The following MAP7 variants were observed in gnomAD, a reference collection of about 807,000 sequenced individuals.
MAP7 encodes the protein microtubule associated protein 7, also known as ensconsin.
MAP7 carries 52 observed loss-of-function variants against 94.8 expected under a neutral mutation model. That is an observed-to-expected ratio of 0.55 (90% CI 0.44 to 0.69). MAP7 has a LOEUF of 0.69. Ranked by LOEUF, MAP7 falls within the 30% of genes least tolerant of loss-of-function variation. The pLI is 0.00. For missense variants in MAP7, 940 were observed against 964.6 expected (o/e 0.97, Z 0.34); for synonymous variants, 350 against 357.0 (o/e 0.98, Z 0.22).
chr6:136,402,579 T>C (rs1355199264), intron 3 of MAP7, among the ~76,000 whole-genome samples: 1 of 152,140 alleles, frequency 6.6e-6, no homozygotes, highest in Non-Finnish European at 1.5e-5. Flanking sequence ...TCAAGAGCTT[T>C]TCTTATATGT....
intron 10 of MAP7, 37 bp downstream of exon 10, chr6:136,365,698 G>T (rs200285950): frequency 6.3e-7 from 1 of 1,592,654 alleles, no homozygotes; most frequent in South Asian, 1.1e-5. Flanking sequence ...GGGAGAAAAA[G>T]AGAGAGCACC....
At chr6:136,513,126 T>C (rs1823757382) in intron 1 of MAP7, among the ~76,000 whole-genome samples, 1 of 152,214 alleles carries the variant, frequency 6.6e-6, no homozygotes, top group Non-Finnish European at 1.5e-5. Flanking sequence ...ATTATAGGCA[T>C]GAGCCACTGC....
intron 3 of MAP7, among the ~76,000 whole-genome samples, chr6:136,396,289 T>C (rs1288897792): frequency 6.6e-6 from 1 of 152,162 alleles, no homozygotes; most frequent in Non-Finnish European, 1.5e-5. Context: ...TTACATTTAT[T>C]CCTAAGTATT....
At chr6:136,508,989 T>C (rs1562474362) in intron 1 of MAP7, among the ~76,000 whole-genome samples, 1 of 152,208 alleles carries the variant, frequency 6.6e-6, no homozygotes, top group Non-Finnish European at 1.5e-5. Flanking sequence ...TCACCTGAAA[T>C]AGTAATGGAC....
intron 3 of MAP7, among the ~76,000 whole-genome samples, chr6:136,407,866 T>C (rs979246860): frequency 7.9e-5 from 12 of 152,052 alleles, no homozygotes; most frequent in African/African-American, 2.4e-4. Context: ...ATGACGGAAA[T>C]AAATAATGTC....
chr6:136,387,368 C>T (rs1276278082), intron 5 of MAP7, among the ~76,000 whole-genome samples: 1 of 151,970 alleles, frequency 6.6e-6, no homozygotes, highest in Non-Finnish European at 1.5e-5. Flanking sequence ...AAATAGAAAA[C>T]CAAAATGATT....
In MAP7 at chr6:136,389,427, T is replaced by C. The variant is rs1780065295; in HGVS notation, c.335A>G (p.Glu112Gly). Residue 112 changes from glutamate to glycine, a missense_variant, in exon 4 of 18, where the codon GAG becomes GGG. Physicochemically the swap from Glu to Gly is moderately conservative, Grantham distance 98. Transcript: ENST00000354570. ...CCTCCGCTCCTCCTTCTGCCTCTGC[T>C]CCTCCAACCTCTTCTTCCGCTCTTC... ...HLEERKKRLE[E>G]QRQKEERRRA... is the part of the protein sequence containing the mutation. The C allele has an allele frequency of 4.4e-6, 7 of 1,597,994 alleles. No individual in the cohort carries two copies. Among genetic ancestry groups the C allele is most frequent in the South Asian group, 1.1e-5 (1 of 88,864 alleles).
chr6:136,549,585 G>C (rs1411921218), intron 1 of MAP7, among the ~76,000 whole-genome samples: 1 of 152,128 alleles, frequency 6.6e-6, no homozygotes, highest in Non-Finnish European at 1.5e-5. Flanking sequence ...GTGGGGGAGG[G>C]GTATCCTCAA....
At chr6:136,395,421 T>G (rs1020813445) in intron 3 of MAP7, among the ~76,000 whole-genome samples, 1 of 151,074 alleles carries the variant, frequency 6.6e-6, no homozygotes, top group East Asian at 1.9e-4. Flanking sequence ...TTTTTTTTTT[T>G]TTTTTTTTGC....
intron 3 of MAP7, among the ~76,000 whole-genome samples, chr6:136,395,744 T>C (rs1264169657): frequency 6.6e-6 from 1 of 152,162 alleles, no homozygotes; most frequent in Non-Finnish European, 1.5e-5. Context: ...TGGTGAGAGA[T>C]AGGGGTCTAG....
chr6:136,526,275 G>C, intron 1 of MAP7: 1 of 1,063,616 alleles, frequency 9.4e-7, no homozygotes, highest in Non-Finnish European at 1.1e-6. Context: ...GTACACGCGC[G>C]CGCACACACA....
At chr6:136,498,683 T>C (rs185054908) in intron 1 of MAP7, among the ~76,000 whole-genome samples, 1 of 152,098 alleles carries the variant, frequency 6.6e-6, no homozygotes, top group East Asian at 1.9e-4. Context: ...TGAAAGACTG[T>C]GTGAACCAAG....
At chr6:136,519,420 CAA>C (rs778631114) in intron 1 of MAP7, among the ~76,000 whole-genome samples, 10 of 151,924 alleles carry the variant, frequency 6.6e-5, no homozygotes, top group Non-Finnish European at 8.8e-5. Flanking sequence ...CCTTACAGAA[CAA>C]AAGAGAAAAA....
intron 1 of MAP7, among the ~76,000 whole-genome samples, chr6:136,548,552 C>G (rs554912226): frequency 5.3e-5 from 8 of 152,250 alleles, no homozygotes; most frequent in Admixed American, 5.2e-4. Flanking sequence ...GAAATGTTTT[C>G]TATGAAGGAG....
intron 15 of MAP7, among the ~76,000 whole-genome samples, chr6:136,359,467 T>G (rs1791903446): frequency 6.6e-6 from 1 of 152,178 alleles, no homozygotes; most frequent in Non-Finnish European, 1.5e-5. Flanking sequence ...GCAGACAGTA[T>G]GTGATAAATG....
At chr6:136,484,187 T>C (rs1813875154) in intron 1 of MAP7, among the ~76,000 whole-genome samples, 1 of 152,186 alleles carries the variant, frequency 6.6e-6, no homozygotes, top group African/African-American at 2.4e-5. Flanking sequence ...GACCTCACAT[T>C]GAGCAGCTTG....
chr6:136,379,696 T>C (rs532659125), intron 6 of MAP7, among the ~76,000 whole-genome samples: 1 of 152,352 alleles, frequency 6.6e-6, no homozygotes, highest in East Asian at 1.9e-4. Flanking sequence ...AGAGATGGGT[T>C]GTCATGGAAA....
At chr6:136,396,438 A>T (rs1782498211) in intron 3 of MAP7, among the ~76,000 whole-genome samples, 1 of 152,192 alleles carries the variant, frequency 6.6e-6, no homozygotes, top group South Asian at 2.1e-4. Flanking sequence ...ATTTATCCAT[A>T]CTTAGAGATT....
At chr6:136,441,896 C>T (rs1797971513) in intron 1 of MAP7, among the ~76,000 whole-genome samples, 1 of 151,994 alleles carries the variant, frequency 6.6e-6, no homozygotes, top group Admixed American at 6.6e-5. Flanking sequence ...CCTGTTGTCT[C>T]AGTTACTTGG....
Sources: gnomAD v4.1 joint callset for allele counts (sites outside exome capture counted in the v4.1 genomes callset) on GRCh38, gnomAD v4.1.1 for gene constraint, MANE v1.5 for transcripts, NCBI Gene and HGNC (gene_info 2026-07-23, HGNC 2026-07-21) for gene names.